NFE2L3: variants seen among roughly 807,000 people sequenced by gnomAD.
The protein encoded by NFE2L3 is NFE2 like bZIP transcription factor 3.
In NFE2L3, 18 loss-of-function variants were observed where a neutral mutation model predicts 23.5. The ratio of observed to expected loss-of-function variants is 0.77; its 90% confidence interval spans 0.53 to 1.13. The LOEUF (loss-of-function observed/expected upper bound fraction) is 1.13. Among genes scored for constraint, NFE2L3 ranks in the 50% most tolerant of loss-of-function variants. NFE2L3 has a pLI of 0.00. For synonymous variants in NFE2L3, 424 were observed against 354.5 expected, an observed-to-expected ratio of 1.20 and a Z score of -2.20; for missense variants, 1,152 against 877.2, an observed-to-expected ratio of 1.31 and a Z score of -3.96.
intron 1 of NFE2L3, among the ~76,000 whole-genome samples, chr7:26,168,383 T>A (rs1363659374): frequency 1.2e-5 from 1 of 82,612 alleles, no homozygotes; most frequent in East Asian, 4.5e-4. Context: ...GTGATCCACC[T>A]GCCTCGCCTC....
intron 2 of NFE2L3, among the ~76,000 whole-genome samples, chr7:26,179,727 A>G (rs1784473848): frequency 1.3e-5 from 2 of 152,010 alleles, no homozygotes; most frequent in African/African-American, 4.8e-5. Context: ...ATCCAAAACA[A>G]AACACACTGG....
At chr7:26,153,128 G>T (rs1037914503) in intron 1 of NFE2L3, 60 bp downstream of exon 1, 18 of 1,456,996 alleles carry the variant, frequency 1.2e-5, no homozygotes, top group Non-Finnish European at 1.6e-5. Context: ...AGCCCCCGAG[G>T]CTTGTGTCGG....
At position 26,185,771 on chromosome 7, in the gene NFE2L3, A is replaced by T. The variant is rs767668041; in HGVS notation, c.2073A>T (p.Gly691=). 6.3e-7 allele frequency: 1 copy of T among 1,580,024 alleles called. No individual in the cohort carries two copies. The highest frequency in any genetic ancestry group is 8.5e-7 in the Non-Finnish European group (1 of 1,171,272). ...ASGHKKETQK[G]KRK is the part of the protein sequence containing the mutation. ...GCCACAAAAAGGAAACCCAAAAGGG[A>T]AAGAGAAAGTGAGAAGAAACTGAAG... Residue 691 remains glycine (G), a synonymous_variant, in exon 4 of 4, where the codon GGA becomes GGT. Coordinates refer to ENST00000056233, the MANE Select transcript of NFE2L3 (RefSeq NM_004289.7).
intron 1 of NFE2L3, among the ~76,000 whole-genome samples, chr7:26,172,371 T>C (rs1784339900): frequency 6.6e-6 from 1 of 152,264 alleles, no homozygotes; most frequent in Non-Finnish European, 1.5e-5. Flanking sequence ...TTAATAACGA[T>C]GTCTCTCTGT....
chr7:26,184,487 G>T, intron 3 of NFE2L3, 46 bp from the exon 4 acceptor site: 2 of 1,538,070 alleles, frequency 1.3e-6, no homozygotes, highest in Non-Finnish European at 1.8e-6. Flanking sequence ...AACTGCTTCA[G>T]AAATAGGGCT....
At chr7:26,165,595 A>G (rs1291066378) in intron 1 of NFE2L3, among the ~76,000 whole-genome samples, 1 of 152,236 alleles carries the variant, frequency 6.6e-6, no homozygotes, top group Non-Finnish European at 1.5e-5. Context: ...ATCTGCAAAC[A>G]GGGACAATTT....
At chr7:26,183,634 TA>T (rs370531562) in intron 2 of NFE2L3, 66 bp from the exon 3 acceptor site, 21 of 933,906 alleles carry the variant, frequency 2.2e-5, no homozygotes, top group Non-Finnish European at 3.1e-5. Flanking sequence ...CCTTTAAAGA[TA>T]AAGCCTAAAG....
rs927444606 is a variant in NFE2L3 at position 26,186,174 on chromosome 7, G to A, written c.*391G>A. Reference sequence around the variant, plus strand: ...GTATTTCAGTTTTAAATGCAAAATAGCCTTATTTTCATTTAGTTTGTTAGC... The same window carrying A: ...GTATTTCAGTTTTAAATGCAAAATAACCTTATTTTCATTTAGTTTGTTAGC... On this transcript the variant is annotated 3_prime_UTR_variant, in exon 4 of 4. Transcript: ENST00000056233. 2 of 160,152 alleles carry A rather than the reference G, an allele frequency of 1.2e-5. No homozygotes were observed. Among genetic ancestry groups the A allele is most frequent in the South Asian group, 2.0e-4 (1 of 5,008 alleles). 9.9% of individuals were successfully genotyped at this position (160,152 alleles called of 1,614,324 possible).
intron 1 of NFE2L3, among the ~76,000 whole-genome samples, chr7:26,165,611 CCT>C (rs1784236873): frequency 1.3e-5 from 2 of 152,148 alleles, no homozygotes; most frequent in South Asian, 4.1e-4. Context: ...AATTTGACTT[CCT>C]CTTTTCCTAA....
At chr7:26,157,060 C>T (rs1784092639) in intron 1 of NFE2L3, among the ~76,000 whole-genome samples, 1 of 151,646 alleles carries the variant, frequency 6.6e-6, no homozygotes, top group Non-Finnish European at 1.5e-5. Context: ...TGCAGTGAGC[C>T]GAGATCGCTC....
chr7:26,183,108 C>T (rs1782365686), intron 2 of NFE2L3, among the ~76,000 whole-genome samples: 1 of 152,022 alleles, frequency 6.6e-6, no homozygotes, highest in South Asian at 2.1e-4. Flanking sequence ...ATTGTGTAAC[C>T]AACTGGGAGG....
In NFE2L3 at chr7:26,181,248, A is replaced by G. The variant is rs751089811; in HGVS notation, c.751-2453A>G. Among the ~76,000 whole-genome samples the G allele has an allele frequency of 4.1e-4, 63 of 152,308 alleles. 1 individual carries two copies. The highest frequency in any genetic ancestry group is 8.4e-4 in the Non-Finnish European group (57 of 68,014). ...CACTTTGGCCTCCCAAAGTGCTGGG[A>G]TTACAGGTGTGAGCCACTGCACCCA... On this transcript the variant is annotated intron_variant, in intron 2 of 3. Transcript: ENST00000056233.
intron 2 of NFE2L3, among the ~76,000 whole-genome samples, chr7:26,179,750 C>T (rs1166106666): frequency 6.6e-6 from 1 of 152,166 alleles, no homozygotes; most frequent in Non-Finnish European, 1.5e-5. Flanking sequence ...TAAAATTCAG[C>T]ATCTTTCCTC....
intron 1 of NFE2L3, among the ~76,000 whole-genome samples, chr7:26,175,248 T>A (rs890862385): frequency 2.0e-5 from 3 of 149,068 alleles, no homozygotes; most frequent in African/African-American, 7.4e-5. Context: ...TAGTCCCAGC[T>A]ACTTGGGAGG....
At chr7:26,153,947 A>C (rs1201750119) in intron 1 of NFE2L3, among the ~76,000 whole-genome samples, 1 of 152,214 alleles carries the variant, frequency 6.6e-6, no homozygotes, top group African/African-American at 2.4e-5. Flanking sequence ...AGTGTTTGCA[A>C]CTGGTAACGA....
chr7:26,181,608 A>G (rs188679593), intron 2 of NFE2L3, among the ~76,000 whole-genome samples: 2 of 152,260 alleles, frequency 1.3e-5, no homozygotes, highest in African/African-American at 2.4e-5. Context: ...GAAAAGAAAA[A>G]TGCAAAACTG....
At chr7:26,168,517 A>G (rs186385879) in intron 1 of NFE2L3, among the ~76,000 whole-genome samples, 2,674 of 144,266 alleles carry the variant, frequency 0.019, 67 homozygotes, top group East Asian at 0.11. Flanking sequence ...ATATTATATG[A>G]TTATATGCAT....
At chr7:26,178,219 A>G (rs1583936620) in intron 2 of NFE2L3, 97 bp downstream of exon 2, 1 of 945,336 alleles carries the variant, frequency 1.1e-6, no homozygotes, top group Non-Finnish European at 1.6e-6. Context: ...GTAAAACAGT[A>G]TGCTCTACTA....
At chr7:26,165,596 G>A (rs1024147824) in intron 1 of NFE2L3, among the ~76,000 whole-genome samples, 2 of 152,188 alleles carry the variant, frequency 1.3e-5, no homozygotes, top group African/African-American at 4.8e-5. Flanking sequence ...TCTGCAAACA[G>A]GGACAATTTG....
Sources: allele counts gnomAD v4.1 joint callset (sites outside exome capture counted in the v4.1 genomes callset), GRCh38; gene constraint gnomAD v4.1.1; transcripts MANE v1.5; gene names NCBI Gene and HGNC (gene_info 2026-07-23, HGNC 2026-07-21).